The following THPO variants were observed in gnomAD, a reference collection of about 807,000 sequenced individuals.
The protein encoded by THPO is MPL ligand.
THPO carries 12 observed loss-of-function variants against 17.0 expected under a neutral mutation model. The ratio of observed to expected loss-of-function variants is 0.71; its 90% CI spans 0.45 to 1.14. THPO has a LOEUF of 1.14. Ranked by LOEUF, THPO falls within the 50% of genes most tolerant of loss-of-function variation. THPO has a pLI of 0.00. For missense variants in THPO, 365 were observed against 427.5 expected (o/e 0.85, Z 1.29); for synonymous variants, 188 against 183.0 (o/e 1.03, Z -0.22).
Position 184,375,619 on chromosome 3 carries a change from TGG to T in THPO, c.142-20_142-19del. 6.2e-7 allele frequency: 1 copy of T among 1,613,158 alleles called. No individual in the cohort carries two copies. The highest frequency in any genetic ancestry group is 8.5e-7 in the Non-Finnish European group (1 of 1,179,424). ...CACTGGCTCTGTTGAAAAAGATTGG[TGG>T]GGGGAGAAGGGAGCTGAAATAGAGA... On this transcript the variant is annotated intron_variant, in intron 3 of 5. Coordinates refer to ENST00000647395, the MANE Select transcript of THPO (RefSeq NM_000460.4).
In THPO at chr3:184,373,504, C is replaced by T. The variant is rs759092382; in HGVS notation, c.307G>A (p.Gly103Arg). The change falls in exon 5 of 6, where the codon GGA becomes AGA. Residue 103 changes from glycine (G) to arginine (R), a missense_variant. Physicochemically the swap from Gly to Arg is moderately radical, Grantham distance 125. Coordinates refer to ENST00000647395, the MANE Select transcript of THPO (RefSeq NM_000460.4). ...AGGAGGGATGAGAGGCAAGTGGGTC[C>T]CAGTTGTCCCCGTGCTGCCATCACT... ...EGVMAARGQL[G>R]PTCLSSLLGQ... 2 of 1,614,094 alleles carry T rather than the reference C, an allele frequency of 1.2e-6. No individual in the cohort carries two copies. The highest frequency in any genetic ancestry group is 3.3e-5 in the Admixed American group (2 of 60,008).
In THPO at chr3:184,375,620, G is replaced by A. The variant is rs544021279; in HGVS notation, c.142-19C>T. 5 of 1,611,974 alleles carry A rather than the reference G, an allele frequency of 3.1e-6. No individual in the cohort carries two copies. Among genetic ancestry groups the A allele is most frequent in the African/African-American group, 1.3e-5 (1 of 74,990 alleles). On this transcript the variant is annotated intron_variant, in intron 3 of 5. Coordinates refer to ENST00000647395, the MANE Select transcript of THPO (RefSeq NM_000460.4). ...ACTGGCTCTGTTGAAAAAGATTGGT[G>A]GGGGGAGAAGGGAGCTGAAATAGAG...
chr3:184,376,098 G>C, intron 2 of THPO, 83 bp from the exon 3 acceptor site: 1 of 1,612,960 alleles, frequency 6.2e-7, no homozygotes, highest in South Asian at 1.1e-5. Flanking sequence ...TCAGGACCCA[G>C]ACCTGAAACC....
chr3:184,373,043 G>C lies in THPO; in HGVS notation c.532C>G (p.Pro178Ala). The C allele has an allele frequency of 6.2e-7, 1 of 1,614,116 alleles. No individual in the cohort carries two copies. The highest frequency in any genetic ancestry group is 2.2e-5 in the East Asian group (1 of 44,876). ...GSTLCVRRAP[P>A]TTAVPSRTSL... is the part of the protein sequence containing the mutation. ...GTTCTGCTGGGGACAGCTGTGGTGGGTGGGGCCCGCCTGACGCAGAGGGTG... is the reference window on the plus strand; with the variant it reads ...GTTCTGCTGGGGACAGCTGTGGTGGCTGGGGCCCGCCTGACGCAGAGGGTG... The change falls in exon 6 of 6, where the codon CCC (proline) becomes GCC (alanine). Residue 178 changes from proline (P) to alanine (A), a missense_variant. By Grantham distance (27) the Pro-to-Ala change is conservative. Coordinates refer to ENST00000647395, the MANE Select transcript of THPO (RefSeq NM_000460.4).
chr3:184,375,810 G>A (rs1714340964), intron 3 of THPO, 78 bp downstream of exon 3: 1 of 1,601,966 alleles, frequency 6.2e-7, no homozygotes, highest in Non-Finnish European at 8.5e-7. Context: ...GGAGTTAGAG[G>A]AAGTGATGGT....
In THPO at chr3:184,372,403, T is replaced by G; in HGVS notation, c.*110A>C. On this transcript the variant is annotated 3_prime_UTR_variant, in exon 6 of 6. Coordinates refer to ENST00000647395, the MANE Select transcript of THPO (RefSeq NM_000460.4). ...CCTGTGTATCCCTTTTACCAGGGCTTTGGGTTTCAGGAGAAAGTAGGAAAT... is the reference window on the plus strand; with the variant it reads ...CCTGTGTATCCCTTTTACCAGGGCTGTGGGTTTCAGGAGAAAGTAGGAAAT... The G allele has an allele frequency of 2.2e-6, 3 of 1,342,440 alleles. No individual in the cohort carries two copies. The highest frequency in any genetic ancestry group is 3.2e-6 in the Non-Finnish European group (3 of 936,482). The allele number at this position is 1,342,440 out of a possible 1,614,324, so 83.2% of individuals were successfully genotyped here.
Position 184,378,193 on chromosome 3 carries a change from G to A in THPO, c.-264C>T. On this transcript the variant is annotated 5_prime_UTR_variant, in exon 1 of 6. Coordinates refer to ENST00000647395, the MANE Select transcript of THPO (RefSeq NM_000460.4). ...CTCCACAGCAGCAGGTCATACGCCT[G>A]CCTGGGCCACTTCTGCCCAATCAGA... The A allele has an allele frequency of 1.0e-6, 1 of 985,500 alleles. No homozygotes were observed. The highest frequency in any genetic ancestry group is 1.2e-6 in the Non-Finnish European group (1 of 829,980). The allele number at this position is 985,500 out of a possible 1,614,324, so 61.0% of individuals were successfully genotyped here.
At position 184,372,699 on chromosome 3, in the gene THPO, A is replaced by G. The variant is rs1418153656; in HGVS notation, c.876T>C (p.Tyr292=). The G allele has an allele frequency of 6.2e-7, 1 of 1,613,324 alleles. No individual in the cohort carries two copies. Among genetic ancestry groups the G allele is most frequent in the Non-Finnish European group, 8.5e-7 (1 of 1,179,532 alleles). ...GSLPPNLQPG[Y]SPSPTHPPTG... ...TAGGAGGATGGGTTGGGGAAGGAGA[A>G]TATCCAGGCTGGAGGTTGGGTGGCA... is the stretch of plus-strand genomic sequence containing the variant. The change falls in exon 6 of 6, where the codon TAT becomes TAC. Residue 292 remains tyrosine, a synonymous_variant. Transcript: ENST00000647395.
chr3:184,373,308 C>T, intron 5 of THPO, 107 bp downstream of exon 5: 3 of 1,558,202 alleles, frequency 1.9e-6, no homozygotes, highest in Non-Finnish European at 2.6e-6. Flanking sequence ...AGTAGATCAG[C>T]TCTTCTGCCC....
chr3:184,375,903 G>A lies in THPO; in HGVS notation c.126C>T (p.Val42=). 6.2e-7 allele frequency: 1 copy of A among 1,613,312 alleles called. No homozygotes were observed. Among genetic ancestry groups the A allele is most frequent in the African/African-American group, 1.3e-5 (1 of 74,950 alleles). ...GAGTTCTCACCAGTCTGCTGTGAAG[G>A]ACATGGGAGTCACGAAGCAGTTTAC... ...VLSKLLRDSH[V]LHSRLSQCPE... is the part of the protein sequence containing the mutation. Residue 42 remains valine (V), a synonymous_variant, in exon 3 of 6, where the codon GTC becomes GTT. Transcript: ENST00000647395.
chr3:184,377,195 G>C (rs928732984), intron 1 of THPO, among the ~76,000 whole-genome samples: 1 of 152,002 alleles, frequency 6.6e-6, no homozygotes, highest in Admixed American at 6.6e-5. Context: ...GCTGGGGAGG[G>C]GAACTGCACA....
chr3:184,372,919 A>G lies in THPO; in HGVS notation c.656T>C (p.Leu219Pro). 3 of 1,613,936 alleles carry G rather than the reference A, an allele frequency of 1.9e-6. No individual in the cohort carries two copies. Among genetic ancestry groups the G allele is most frequent in the Non-Finnish European group, 2.5e-6 (3 of 1,179,930 alleles). ...ASARTTGSGL[L>P]KWQQGFRAKI... Reference sequence around the variant, plus strand: ...GGCTCTGAATCCCTGCTGCCACTTCAGAAGCCCAGAGCCAGTAGTTCTGGC... The same window carrying G: ...GGCTCTGAATCCCTGCTGCCACTTCGGAAGCCCAGAGCCAGTAGTTCTGGC... Residue 219 changes from leucine to proline, a missense_variant, in exon 6 of 6, where the codon CTG (leucine) becomes CCG (proline). Physicochemically the swap from Leu to Pro is moderately conservative, Grantham distance 98. Coordinates refer to ENST00000647395, the MANE Select transcript of THPO (RefSeq NM_000460.4).
Position 184,372,229 on chromosome 3 carries a change from G to GA in THPO, c.*283dup, listed in dbSNP as rs1224476286. 7 of 421,384 alleles carry GA rather than the reference G, an allele frequency of 1.7e-5. No homozygotes were observed. The highest frequency in any genetic ancestry group is 4.0e-5 in the African/African-American group (2 of 50,468). The allele number at this position is 421,384 out of a possible 1,614,324, so 26.1% of individuals were successfully genotyped here. ...CCCAGGCCTTTGCAGAGTTATCACA[G>GA]AAAAAGAGCATGTAGAGAATCAGTG... On this transcript the variant is annotated 3_prime_UTR_variant, in exon 6 of 6. Coordinates refer to ENST00000647395, the MANE Select transcript of THPO (RefSeq NM_000460.4).
At chr3:184,374,082 G>T (rs1480825885) in intron 4 of THPO, among the ~76,000 whole-genome samples, 1 of 152,138 alleles carries the variant, frequency 6.6e-6, no homozygotes. Context: ...ACAAAAATTA[G>T]CTGGGCATGG....
In THPO at chr3:184,373,156, G is replaced by C; in HGVS notation, c.419C>G (p.Thr140Arg). Residue 140 changes from threonine to arginine, a missense_variant, in exon 6 of 6, where the codon ACA becomes AGA. Transcript: ENST00000647395. Reference protein sequence around the residue: ...GTQLPPQGRTTAHKDPNAIFL... With the variant: ...GTQLPPQGRTRAHKDPNAIFL... ...GATGGCATTGGGATCCTTGTGAGCT[G>C]TGGTCCTGCCCTGTGGAGGAAGCTG... The C allele has an allele frequency of 6.2e-7, 1 of 1,612,544 alleles. No individual in the cohort carries two copies. The highest frequency in any genetic ancestry group is 8.5e-7 in the Non-Finnish European group (1 of 1,180,010).
rs780619355 is a variant in THPO, at chr3:184,372,660, C to T, written c.915G>A (p.Thr305=). ...GCAAGGTGGGTGGAAGAGGGAAGAG[C>T]GTATACTGTCCAGTAGGAGGATGGG... is the stretch of plus-strand genomic sequence containing the variant. ...SPTHPPTGQY[T]LFPLPPTLPT... is the part of the protein sequence containing the mutation. Residue 305 remains threonine, a synonymous_variant, in exon 6 of 6, where the codon ACG becomes ACA. Transcript: ENST00000647395. 2.6e-5 allele frequency: 42 copies of T among 1,612,770 alleles called. No individual in the cohort carries two copies. The highest frequency in any genetic ancestry group is 4.4e-5 in the South Asian group (4 of 90,924).
At position 184,372,684 on chromosome 3, in the gene THPO, G is replaced by A; in HGVS notation, c.891C>T (p.Thr297=). ...GCGTATACTGTCCAGTAGGAGGATG[G>A]GTTGGGGAAGGAGAATATCCAGGCT... The part of the protein sequence containing the change: ...NLQPGYSPSP[T]HPPTGQYTLF... The change falls in exon 6 of 6, where the codon ACC becomes ACT. Residue 297 remains threonine (T), a synonymous_variant. Coordinates refer to ENST00000647395, the MANE Select transcript of THPO (RefSeq NM_000460.4). 2 of 1,613,150 alleles carry A rather than the reference G, an allele frequency of 1.2e-6. No homozygotes were observed. The highest frequency in any genetic ancestry group is 1.7e-6 in the Non-Finnish European group (2 of 1,179,220).
At chr3:184,375,788 T>A (rs956960070) in intron 3 of THPO, 100 bp downstream of exon 3, 2 of 1,573,502 alleles carry the variant, frequency 1.3e-6, no homozygotes, top group Admixed American at 3.3e-5. Context: ...GGAAGAATAG[T>A]CATTGGGTCA....
intron 1 of THPO, among the ~76,000 whole-genome samples, chr3:184,377,515 C>T (rs1041706823): frequency 5.3e-5 from 8 of 152,196 alleles, no homozygotes; most frequent in Non-Finnish European, 1.2e-4. Flanking sequence ...CTTGGCAGAA[C>T]CCCTTCCGGT....
Sources: allele counts gnomAD v4.1 joint callset (sites outside exome capture counted in the v4.1 genomes callset), GRCh38; gene constraint gnomAD v4.1.1; transcripts MANE v1.5; gene names NCBI Gene and HGNC (gene_info 2026-07-23, HGNC 2026-07-21).